VMP1: variants seen among roughly 807,000 people sequenced by gnomAD.
VMP1 encodes the protein ectopic P-granules autophagy protein 3 homolog.
In VMP1, 11 loss-of-function variants were observed where a neutral mutation model predicts 56.0. The observed-to-expected ratio is 0.20, with a 90% CI of 0.12 to 0.32. VMP1 has a LOEUF of 0.32. Ranked by LOEUF, VMP1 falls within the 10% of genes least tolerant of loss-of-function variation. The pLI is 1.00. For missense variants in VMP1, 296 were observed against 490.3 expected (o/e 0.60, Z 3.74); for synonymous variants, 149 against 165.0 (o/e 0.90, Z 0.74).
At chr17:59,738,152 C>CT (rs1430529866) in intron 4 of VMP1, among the ~76,000 whole-genome samples, 4 of 152,176 alleles carry the variant, frequency 2.6e-5, no homozygotes, top group Admixed American at 6.5e-5. Flanking sequence ...CTTATTTTCT[C>CT]TAACATACTT....
chr17:59,727,592 A>G (rs770880727), intron 1 of VMP1, among the ~76,000 whole-genome samples: 7 of 152,196 alleles, frequency 4.6e-5, no homozygotes, highest in Non-Finnish European at 8.8e-5. Flanking sequence ...TTATCCTATT[A>G]ATATTTGTAT....
chr17:59,838,412 C>T lies in VMP1; in HGVS notation c.1077+15C>T, dbSNP rs1212828148. 21 of 1,613,310 alleles carry T rather than the reference C, an allele frequency of 1.3e-5. No individual in the cohort carries two copies. The highest frequency in any genetic ancestry group is 6.7e-5 in the East Asian group (3 of 44,878). On this transcript the variant is annotated intron_variant, in intron 11 of 11. Transcript: ENST00000262291. ...GCACACCACAGGTAAGACTTTAATC[C>T]GGTTTCTTCTCCCCTCTGGGAAGTT...
At chr17:59,748,970 ACTGGAGTGCAGTGCTGGATCCCAGG>A (rs558417805) in intron 5 of VMP1, among the ~76,000 whole-genome samples, 224 of 150,056 alleles carry the variant, frequency 1.5e-3, no homozygotes, top group African/African-American at 5.2e-3. Flanking sequence ...TGATCCCAGC[ACTGGAGTGCAGTGCTGGATCCCAGG>A]CTGGAGTGCA....
intron 5 of VMP1, among the ~76,000 whole-genome samples, chr17:59,762,327 G>T (rs12453785): frequency 1.9e-3 from 284 of 151,732 alleles, no homozygotes; most frequent in Admixed American, 4.3e-3. Context: ...TAGCTGTTTG[G>T]GTCTTTACCC....
rs377105243 is a variant in VMP1 at position 59,773,741 on chromosome 17, GT to G, written c.583-8del. ...ACAGAACCTCATTGTAAGTATTTTG[GT>G]TTTTCACCTAGGGTATCGGTACAGC... On this transcript the variant is annotated splice_polypyrimidine_tract_variant and intron_variant, in intron 6 of 11. Transcript: ENST00000262291. 6.3e-6 allele frequency: 10 copies of G among 1,586,328 alleles called. No homozygotes were observed. In the African/African-American group the frequency reaches 6.8e-5, roughly 11 times the overall value.
intron 1 of VMP1, chr17:59,708,159 T>A (rs1409550260): frequency 1.3e-5 from 2 of 152,326 alleles, no homozygotes; most frequent in Non-Finnish European, 2.9e-5. Flanking sequence ...CCCGAACCTC[T>A]GGCGCATGAT....
At chr17:59,822,410 T>G (rs1424206430) in intron 10 of VMP1, among the ~76,000 whole-genome samples, 1 of 145,790 alleles carries the variant, frequency 6.9e-6, no homozygotes, top group Non-Finnish European at 1.5e-5. Context: ...CTTACTCCAA[T>G]CTCCGCCTCC....
At chr17:59,718,184 CTTTTT>C (rs971095445) in intron 1 of VMP1, among the ~76,000 whole-genome samples, 23 of 79,278 alleles carry the variant, frequency 2.9e-4, no homozygotes, top group Admixed American at 1.3e-3. Flanking sequence ...TCCCTCCCTC[CTTTTT>C]TTTTTTTTTT....
At chr17:59,755,912 T>G (rs1294334121) in intron 5 of VMP1, among the ~76,000 whole-genome samples, 2 of 151,958 alleles carry the variant, frequency 1.3e-5, no homozygotes, top group Non-Finnish European at 2.9e-5. Flanking sequence ...CTAATATTTT[T>G]TCTTAGTAGA....
intron 10 of VMP1, among the ~76,000 whole-genome samples, chr17:59,819,783 A>G (rs1339304719): frequency 6.6e-6 from 1 of 152,190 alleles, no homozygotes; most frequent in Non-Finnish European, 1.5e-5. Context: ...AAAACATTTC[A>G]TTTATTCTTA....
At position 59,841,318 on chromosome 17, in the gene VMP1, A is replaced by G. The variant is rs1332902069; in HGVS notation, c.*1407A>G. 3.9e-6 allele frequency: 2 copies of G among 513,272 alleles called. No individual in the cohort carries two copies. Among genetic ancestry groups the G allele is most frequent in the African/African-American group, 3.9e-5 (2 of 51,714 alleles). 31.8% of individuals were successfully genotyped at this position (513,272 alleles called of 1,614,324 possible). On this transcript the variant is annotated 3_prime_UTR_variant, in exon 12 of 12. Transcript: ENST00000262291. The stretch of plus-strand genomic sequence containing the variant: ...GACTGTTGAATCTCATGGCAACACC[A>G]GTCGATGGGCTGTCTGACATTTTGG...
chr17:59,740,309 C>T (rs2035181303), intron 5 of VMP1, among the ~76,000 whole-genome samples: 3 of 152,012 alleles, frequency 2.0e-5, no homozygotes, highest in African/African-American at 7.3e-5. Context: ...TCTTGCTGTT[C>T]CTGTCCCTAG....
chr17:59,833,116 G>T (rs998609706), intron 10 of VMP1, among the ~76,000 whole-genome samples: 6 of 152,052 alleles, frequency 3.9e-5, no homozygotes, highest in African/African-American at 1.4e-4. Flanking sequence ...CTCCCACCGT[G>T]TGTGCACTTT....
chr17:59,724,242 GA>G (rs925573816), intron 1 of VMP1, among the ~76,000 whole-genome samples: 4 of 149,704 alleles, frequency 2.7e-5, no homozygotes, highest in Admixed American at 2.7e-4. Context: ...AAAAGAAAAA[GA>G]AAAAAGAAAG....
chr17:59,805,326 G>A (rs1046819147), intron 7 of VMP1, among the ~76,000 whole-genome samples: 3 of 152,142 alleles, frequency 2.0e-5, no homozygotes, highest in Non-Finnish European at 4.4e-5. Context: ...CTCCTTACGT[G>A]TTATTCCTCT....
chr17:59,729,814 T>A (rs2034755788), intron 1 of VMP1: 1 of 150,884 alleles, frequency 6.6e-6, no homozygotes, highest in African/African-American at 2.4e-5. Context: ...GCCTCCCGAG[T>A]AGCTGGGATT....
intron 1 of VMP1, among the ~76,000 whole-genome samples, chr17:59,708,892 ACT>A (rs781008558): frequency 2.6e-5 from 4 of 152,006 alleles, no homozygotes; most frequent in Non-Finnish European, 4.4e-5. Context: ...GTATGAAGTG[ACT>A]CTCTCGAGTA....
chr17:59,799,757 G>A (rs1478873743), intron 7 of VMP1, among the ~76,000 whole-genome samples: 1 of 152,158 alleles, frequency 6.6e-6, no homozygotes, highest in Non-Finnish European at 1.5e-5. Flanking sequence ...GAGGTCAGGA[G>A]TTTGAGACCA....
intron 7 of VMP1, among the ~76,000 whole-genome samples, chr17:59,775,253 T>A (rs1383649062): frequency 6.6e-6 from 1 of 151,766 alleles, no homozygotes; most frequent in Non-Finnish European, 1.5e-5. Context: ...CTACAAAAAA[T>A]TTTTTAAAAA....
Sources: allele counts gnomAD v4.1 joint callset (sites outside exome capture counted in the v4.1 genomes callset), GRCh38; gene constraint gnomAD v4.1.1; transcripts MANE v1.5; gene names NCBI Gene and HGNC (gene_info 2026-07-23, HGNC 2026-07-21).